The following ERCC8 variants were observed in gnomAD, a reference collection of about 807,000 sequenced individuals.
ERCC8 encodes DNA excision repair protein ERCC-8.
A neutral mutation model predicts 54.9 loss-of-function variants in ERCC8; 52 were observed. The ratio of observed to expected loss-of-function variants is 0.95; its 90% CI spans 0.76 to 1.19. The LOEUF (loss-of-function observed/expected upper bound fraction) is 1.19, where lower values mean the gene tolerates loss of function less well. ERCC8 is among the 50% of genes most tolerant of loss of function. ERCC8 has a pLI of 0.00. For synonymous variants in ERCC8, 146 were observed against 157.2 expected, an observed-to-expected ratio of 0.93 and a Z score of 0.53; for missense variants, 514 against 466.1, an observed-to-expected ratio of 1.10 and a Z score of -0.95.
chr5:60,880,154 G>C (rs1333937268), intron 11 of ERCC8, among the ~76,000 whole-genome samples: 2 of 152,102 alleles, frequency 1.3e-5, no homozygotes, highest in Non-Finnish European at 2.9e-5. Context: ...TGAAATTCTG[G>C]GTTGAAAATT....
chr5:60,892,723 C>G, intron 9 of ERCC8: 1 of 694,844 alleles, frequency 1.4e-6, no homozygotes, highest in Non-Finnish European at 2.7e-6. Context: ...AGGATGGTGC[C>G]CACCTCTGAG....
chr5:60,926,228 A>C (rs1017199086), intron 2 of ERCC8, among the ~76,000 whole-genome samples: 5 of 152,204 alleles, frequency 3.3e-5, no homozygotes, highest in African/African-American at 9.6e-5. Flanking sequence ...AATACAATTA[A>C]ATGTAGAGGC....
chr5:60,888,067 A>G (rs900044530), intron 10 of ERCC8, among the ~76,000 whole-genome samples: 4 of 152,240 alleles, frequency 2.6e-5, no homozygotes, highest in South Asian at 4.1e-4. Context: ...GTCTACAGAT[A>G]TGCTGTTTGC....
intron 1 of ERCC8, among the ~76,000 whole-genome samples, chr5:60,931,198 T>C (rs961739226): frequency 6.6e-6 from 1 of 152,064 alleles, no homozygotes; most frequent in Non-Finnish European, 1.5e-5. Context: ...GGAGTGGTGA[T>C]TATTATTAAA....
chr5:60,879,875 A>T (rs1407241535), intron 11 of ERCC8, among the ~76,000 whole-genome samples: 1 of 152,172 alleles, frequency 6.6e-6, no homozygotes, highest in African/African-American at 2.4e-5. Flanking sequence ...ATTTAAGGTT[A>T]ATATTGTTAT....
Position 60,928,953 on chromosome 5 carries a change from C to A in ERCC8, c.84G>T (p.Leu28Phe). The change falls in exon 2 of 12, where the codon TTG becomes TTT. Residue 28 changes from leucine (L) to phenylalanine (F), a missense_variant. Coordinates refer to ENST00000676185, the MANE Select transcript of ERCC8 (RefSeq NM_000082.4). The stretch of plus-strand genomic sequence containing the variant: ...CTCTGTCTTTATTTAATTCCAGTCC[C>A]AAAACTCTTAAAAATAAAAGGGGGA... ...LRRAESTRRV[L>F]GLELNKDRDV... 6.3e-7 allele frequency: 1 copy of A among 1,584,268 alleles called. No individual in the cohort carries two copies. Among genetic ancestry groups the A allele is most frequent in the Non-Finnish European group, 8.7e-7 (1 of 1,155,052 alleles).
At chr5:60,883,364 C>T (rs1014847016) in intron 11 of ERCC8, among the ~76,000 whole-genome samples, 3 of 152,022 alleles carry the variant, frequency 2.0e-5, no homozygotes, top group Non-Finnish European at 2.9e-5. Context: ...CATTTGAGAC[C>T]CACTGATCAA....
intron 4 of ERCC8, among the ~76,000 whole-genome samples, chr5:60,905,180 A>C (rs1392170770): frequency 6.6e-6 from 1 of 152,162 alleles, no homozygotes; most frequent in Non-Finnish European, 1.5e-5. Context: ...CTCAGCATCT[A>C]CATGGATGAT....
At chr5:60,903,612 T>A in intron 6 of ERCC8, 36 bp downstream of exon 6, 2 of 1,611,698 alleles carry the variant, frequency 1.2e-6, no homozygotes, top group South Asian at 1.1e-5. Flanking sequence ...AATCGTTTAC[T>A]CAAAGTAGTT....
chr5:60,936,703 G>T (rs1750077272), intron 1 of ERCC8, among the ~76,000 whole-genome samples: 1 of 152,020 alleles, frequency 6.6e-6, no homozygotes, highest in Non-Finnish European at 1.5e-5. Flanking sequence ...TATCCCAGAG[G>T]TTTTGACAGG....
intron 5 of ERCC8, among the ~76,000 whole-genome samples, 158 bp downstream of exon 5, chr5:60,904,634 G>GTGTGTGTATA (rs1406862264): frequency 2.0e-5 from 1 of 49,930 alleles, no homozygotes; most frequent in African/African-American, 8.4e-5. Flanking sequence ...GTGTGTGTGT[G>GTGTGTGTATA]TATATATATA....
intron 4 of ERCC8, among the ~76,000 whole-genome samples, chr5:60,916,410 C>T (rs1749436956): frequency 6.6e-6 from 1 of 151,934 alleles, no homozygotes; most frequent in South Asian, 2.1e-4. Flanking sequence ...TGTAAGTGTT[C>T]CCCTCTCTAG....
intron 1 of ERCC8, among the ~76,000 whole-genome samples, chr5:60,937,112 G>C (rs1384211267): frequency 6.6e-6 from 1 of 152,242 alleles, no homozygotes; most frequent in East Asian, 1.9e-4. Flanking sequence ...TCTGCAAAGA[G>C]TCCTGTGATG....
At chr5:60,927,588 T>C (rs1375735102) in intron 2 of ERCC8, among the ~76,000 whole-genome samples, 1 of 152,222 alleles carries the variant, frequency 6.6e-6, no homozygotes, top group East Asian at 1.9e-4. Context: ...ACTGGTAGTC[T>C]ACTGGCTTCT....
In ERCC8 at chr5:60,922,185, T is replaced by C; in HGVS notation, c.174-30A>G. The C allele has an allele frequency of 3.6e-6, 5 of 1,394,838 alleles. No individual in the cohort carries two copies. In the South Asian group the frequency reaches 4.7e-5, roughly 13 times the overall value. 86.4% of individuals were successfully genotyped at this position (1,394,838 alleles called of 1,614,324 possible). On this transcript the variant is annotated intron_variant, in intron 2 of 11. Transcript: ENST00000676185. ...TAATAAAAAAGTTCACATTAATTTA[T>C]CATTTTATTTATTATTTAGTCCATT...
chr5:60,875,908 CTG>C (rs1233341639), intron 11 of ERCC8, among the ~76,000 whole-genome samples: 14 of 150,220 alleles, frequency 9.3e-5, no homozygotes, highest in African/African-American at 3.4e-4. Flanking sequence ...TTTTATTATA[CTG>C]TAAGTTTTAG....
intron 1 of ERCC8, among the ~76,000 whole-genome samples, chr5:60,938,828 TA>T (rs1750171521): frequency 6.6e-6 from 1 of 152,240 alleles, no homozygotes; most frequent in South Asian, 2.1e-4. Flanking sequence ...TGTCCTTCTT[TA>T]AAATGTTTGG....
rs371181679 is a variant in ERCC8 at position 60,928,911 on chromosome 5, G to A, written c.126C>T (p.His42=). ...LNKDRDVERI[H]GGGINTLDIE... Reference sequence around the variant, plus strand: ...TGTCAAGGGTGTTAATTCCACCGCCGTGGATTCTTTCAACATCTCTGTCTT... The same window carrying A: ...TGTCAAGGGTGTTAATTCCACCGCCATGGATTCTTTCAACATCTCTGTCTT... Residue 42 remains histidine (H), a synonymous_variant, in exon 2 of 12, where the codon CAC becomes CAT. Transcript: ENST00000676185. 2.1e-5 allele frequency: 33 copies of A among 1,609,168 alleles called. No individual in the cohort carries two copies. Among genetic ancestry groups the A allele is most frequent in the East Asian group, 8.9e-5 (4 of 44,734 alleles).
At chr5:60,896,203 T>G (rs1748719415) in intron 9 of ERCC8, among the ~76,000 whole-genome samples, 1 of 151,950 alleles carries the variant, frequency 6.6e-6, no homozygotes, top group South Asian at 2.1e-4. Context: ...CAGGCTGGTC[T>G]CGAACTCATA....
Sources: allele counts gnomAD v4.1 joint callset (sites outside exome capture counted in the v4.1 genomes callset), GRCh38; gene constraint gnomAD v4.1.1; transcripts MANE v1.5; gene names NCBI Gene and HGNC (gene_info 2026-07-23, HGNC 2026-07-21).